Variants in POU2F3 observed in about 807,000 individuals in gnomAD.
The protein encoded by POU2F3 is POU class 2 homeobox 3, also known as POU domain, class 2, transcription factor 3.
In POU2F3, 23 loss-of-function variants were observed where a neutral mutation model predicts 59.2. That is an observed-to-expected ratio of 0.39 (90% CI 0.28 to 0.55). POU2F3 has a LOEUF of 0.55. POU2F3 is among the 20% of genes least tolerant of loss of function. POU2F3 has a pLI of 0.66. For synonymous variants in POU2F3, 190 were observed against 214.6 expected, an observed-to-expected ratio of 0.89 and a Z score of 1.00; for missense variants, 473 against 544.5, an observed-to-expected ratio of 0.87 and a Z score of 1.31.
At chr11:120,295,418 C>T (rs1941167546) in intron 3 of POU2F3, among the ~76,000 whole-genome samples, 1 of 152,228 alleles carries the variant, frequency 6.6e-6, no homozygotes. Context: ...CCCTCTGTCC[C>T]CCTTCCTCCA....
rs577627384 is a variant in POU2F3 at position 120,307,426 on chromosome 11, C to G, written c.770-53C>G. Reference sequence around the variant, plus strand: ...GTTGGACCTCAGATCCATGAAGGCACCGGCCACTCATCCCCTTCTCTGAGC... The same window carrying G: ...GTTGGACCTCAGATCCATGAAGGCAGCGGCCACTCATCCCCTTCTCTGAGC... On this transcript the variant is annotated intron_variant, in intron 8 of 12. Transcript: ENST00000543440. 5.0e-6 allele frequency: 8 copies of G among 1,597,146 alleles called. No homozygotes were observed. In the East Asian group the frequency reaches 1.8e-4, roughly 36 times the overall value.
Position 120,307,604 on chromosome 11 carries a change from A to C in POU2F3, c.895A>C (p.Arg299=). Residue 299 remains arginine, a synonymous_variant, in exon 9 of 13, where the codon AGG becomes CGG. Transcript: ENST00000543440. The part of the protein sequence containing the change: ...ETNIRLTLEK[R]FQDNPKPSSE... Reference sequence around the variant, plus strand: ...CAACATCCGCCTGACTCTGGAGAAGAGGTTTCAAGATGTGAGCAGCACCTT... The same window carrying C: ...CAACATCCGCCTGACTCTGGAGAAGCGGTTTCAAGATGTGAGCAGCACCTT... 1 of 1,610,312 alleles carries C rather than the reference A, an allele frequency of 6.2e-7. No individual in the cohort carries two copies. Among genetic ancestry groups the C allele is most frequent in the East Asian group, 2.2e-5 (1 of 44,832 alleles).
At chr11:120,301,309 A>G (rs1181861242) in intron 5 of POU2F3, 1 of 260,436 alleles carries the variant, frequency 3.8e-6, no homozygotes, top group African/African-American at 2.2e-5. Flanking sequence ...AAAAGGCTGT[A>G]TCCATTTCAA....
intron 10 of POU2F3, among the ~76,000 whole-genome samples, chr11:120,313,605 T>C (rs1489091182): frequency 2.0e-5 from 3 of 152,096 alleles, no homozygotes; most frequent in East Asian, 1.9e-4. Flanking sequence ...AATGCTACAA[T>C]ATATCTAGAA....
chr11:120,241,726 T>C (rs945872131), intron 1 of POU2F3, among the ~76,000 whole-genome samples: 1 of 151,964 alleles, frequency 6.6e-6, no homozygotes, highest in African/African-American at 2.4e-5. Flanking sequence ...GGATGGGAAG[T>C]TTTTTAGCAC....
chr11:120,299,731 G>C lies in POU2F3; in HGVS notation c.361+5G>C. 1 of 1,609,018 alleles carries C rather than the reference G, an allele frequency of 6.2e-7. No homozygotes were observed. The highest frequency in any genetic ancestry group is 8.5e-7 in the Non-Finnish European group (1 of 1,178,614). On this transcript the variant is annotated splice_donor_5th_base_variant and intron_variant, in intron 5 of 12. Transcript: ENST00000543440. ...AGACCCAGCCTGGGCAGCAAGGTAA[G>C]AACCCTGGGGGTTTCCACCTAGACC...
At chr11:120,291,830 A>G (rs1441155831) in intron 3 of POU2F3, among the ~76,000 whole-genome samples, 1 of 141,642 alleles carries the variant, frequency 7.1e-6, no homozygotes, top group East Asian at 2.1e-4. Flanking sequence ...TTTTTTTGAG[A>G]TGGAGTCTAG....
chr11:120,299,786 G>GT, intron 5 of POU2F3, 60 bp downstream of exon 5: 1 of 1,465,460 alleles, frequency 6.8e-7, no homozygotes. Context: ...TGTTGCTGCT[G>GT]TTTTTTGCTG....
rs1397846780 is a variant in POU2F3, at chr11:120,305,803, G to T, written c.769+18G>T. 2.5e-6 allele frequency: 4 copies of T among 1,612,386 alleles called. No individual in the cohort carries two copies. Among genetic ancestry groups the T allele is most frequent in the Non-Finnish European group, 3.4e-6 (4 of 1,179,708 alleles). On this transcript the variant is annotated intron_variant, in intron 8 of 12. Coordinates refer to ENST00000543440, the MANE Select transcript of POU2F3 (RefSeq NM_014352.4). ...TGATGCAGGTAGGCCTCGCAAACAC[G>T]GATGCCAGGGGCCCTAGAGGGCTCT...
chr11:120,291,932 C>T (rs1941037539), intron 3 of POU2F3, among the ~76,000 whole-genome samples: 2 of 152,056 alleles, frequency 1.3e-5, no homozygotes, highest in African/African-American at 4.8e-5. Context: ...CCTCAGCCCC[C>T]TGAGTAGCTG....
intron 3 of POU2F3, among the ~76,000 whole-genome samples, chr11:120,291,550 A>G (rs1941020345): frequency 6.6e-6 from 1 of 152,224 alleles, no homozygotes; most frequent in East Asian, 1.9e-4. Context: ...TACACCAAAC[A>G]ACTTTGAAGA....
chr11:120,236,843 C>A, upstream of POU2F3: 1 of 830,866 alleles, frequency 1.2e-6, no homozygotes. Flanking sequence ...GAGGGCACCC[C>A]AGCCTTCTAA....
At chr11:120,269,307 T>C in intron 3 of POU2F3, 63 bp downstream of exon 3, 1 of 1,326,332 alleles carries the variant, frequency 7.5e-7, no homozygotes, top group Non-Finnish European at 1.1e-6. Flanking sequence ...CTATACTGTC[T>C]GGTATGGAGG....
At chr11:120,300,178 G>GT (rs1395403274) in intron 5 of POU2F3, among the ~76,000 whole-genome samples, 3 of 152,164 alleles carry the variant, frequency 2.0e-5, no homozygotes, top group Non-Finnish European at 2.9e-5. Context: ...TGTAGAAAGG[G>GT]TGTTCAGGTT....
chr11:120,242,728 G>A (rs1156586065), intron 1 of POU2F3, among the ~76,000 whole-genome samples: 6 of 152,168 alleles, frequency 3.9e-5, no homozygotes, highest in East Asian at 1.9e-4. Context: ...ACCTGGGTAC[G>A]AGCCATGATT....
chr11:120,309,008 A>G (rs1201507899), intron 9 of POU2F3, among the ~76,000 whole-genome samples: 1 of 149,708 alleles, frequency 6.7e-6, no homozygotes, highest in Non-Finnish European at 1.5e-5. Context: ...ATCAGGTAAT[A>G]AGGAAGAACA....
chr11:120,306,204 A>G (rs1474085829), intron 8 of POU2F3, among the ~76,000 whole-genome samples: 1 of 152,152 alleles, frequency 6.6e-6, no homozygotes, highest in African/African-American at 2.4e-5. Flanking sequence ...CACAGGCACG[A>G]CACAGGGTCT....
intron 3 of POU2F3, among the ~76,000 whole-genome samples, chr11:120,284,252 C>T (rs552422335): frequency 1.6e-4 from 24 of 152,194 alleles, no homozygotes; most frequent in South Asian, 1.4e-3. Context: ...CTCCACCTGC[C>T]TATCACCCCG....
chr11:120,255,121 C>T (rs1939281800), intron 2 of POU2F3: 1 of 152,346 alleles, frequency 6.6e-6, no homozygotes, highest in Non-Finnish European at 1.5e-5. Flanking sequence ...TGGTCTCCCC[C>T]AGACTCCCAG....
Sources: allele counts gnomAD v4.1 joint callset (sites outside exome capture counted in the v4.1 genomes callset), GRCh38; gene constraint gnomAD v4.1.1; transcripts MANE v1.5; gene names NCBI Gene and HGNC (gene_info 2026-07-23, HGNC 2026-07-21).